ZNF385B: variants seen among roughly 807,000 people sequenced by gnomAD.
ZNF385B encodes zinc finger protein 533.
ZNF385B carries 23 observed loss-of-function variants against 39.2 expected under a neutral mutation model. The ratio of observed to expected loss-of-function variants is 0.59; its 90% CI spans 0.42 to 0.83. The LOEUF (loss-of-function observed/expected upper bound fraction) is 0.83. Ranked by LOEUF, ZNF385B falls within the 40% of genes least tolerant of loss-of-function variation. ZNF385B has a pLI of 0.00. For synonymous variants in ZNF385B, 205 were observed against 222.6 expected, an observed-to-expected ratio of 0.92 and a Z score of 0.70; for missense variants, 552 against 598.9, an observed-to-expected ratio of 0.92 and a Z score of 0.82.
intron 1 of ZNF385B, 31 bp from the exon 2 acceptor site, chr2:179,770,703 A>C (rs572793848): frequency 6.6e-6 from 1 of 152,244 alleles, no homozygotes; most frequent in Admixed American, 6.5e-5. Flanking sequence ...AAATTTTAGT[A>C]AACTGGTAAT....
intron 3 of ZNF385B, among the ~76,000 whole-genome samples, chr2:179,655,693 T>C (rs1223283727): frequency 1.3e-5 from 2 of 152,184 alleles, no homozygotes; most frequent in African/African-American, 4.8e-5. Flanking sequence ...TTGGACTAAC[T>C]CCATGTGAAT....
chr2:179,456,345 C>A (rs1419625067), intron 6 of ZNF385B, among the ~76,000 whole-genome samples: 1 of 152,172 alleles, frequency 6.6e-6, no homozygotes, highest in Admixed American at 6.5e-5. Flanking sequence ...TTCCCTGTGC[C>A]TTTATCAGCC....
intron 3 of ZNF385B, among the ~76,000 whole-genome samples, chr2:179,637,834 T>C (rs1250746888): frequency 6.6e-6 from 1 of 152,208 alleles, no homozygotes; most frequent in Non-Finnish European, 1.5e-5. Flanking sequence ...AAACTCTTGA[T>C]TTTAAAGTTG....
At chr2:179,798,954 A>G (rs1435537943) in intron 1 of ZNF385B, among the ~76,000 whole-genome samples, 1 of 152,082 alleles carries the variant, frequency 6.6e-6, no homozygotes, top group Admixed American at 6.6e-5. Flanking sequence ...CTAAAAGAAT[A>G]ATATTTTATA....
At chr2:179,771,626 T>C (rs1222287625) in intron 1 of ZNF385B, among the ~76,000 whole-genome samples, 1 of 152,214 alleles carries the variant, frequency 6.6e-6, no homozygotes, top group South Asian at 2.1e-4. Flanking sequence ...GAACTGCACA[T>C]AAATATTTTT....
intron 1 of ZNF385B, among the ~76,000 whole-genome samples, chr2:179,788,454 T>C (rs774144945): frequency 3.9e-5 from 6 of 151,962 alleles, no homozygotes; most frequent in African/African-American, 1.2e-4. Context: ...GAGAAGAAAA[T>C]AGCAATTCCT....
intron 3 of ZNF385B, among the ~76,000 whole-genome samples, chr2:179,560,867 G>A (rs1209438093): frequency 1.3e-5 from 2 of 152,162 alleles, no homozygotes; most frequent in Admixed American, 6.5e-5. Context: ...TTGTCCCTGT[G>A]ACAAGATTTA....
intron 3 of ZNF385B, among the ~76,000 whole-genome samples, chr2:179,703,490 C>T (rs757006180): frequency 1.8e-4 from 27 of 152,092 alleles, no homozygotes; most frequent in Non-Finnish European, 3.2e-4. Flanking sequence ...TGTCTGTCTC[C>T]CCATTAAAAT....
chr2:179,657,925 C>A (rs1693983620), intron 3 of ZNF385B, among the ~76,000 whole-genome samples: 2 of 152,308 alleles, frequency 1.3e-5, no homozygotes, highest in South Asian at 4.1e-4. Context: ...GAACTCCCAT[C>A]ATCTCAAGCT....
At chr2:179,494,100 G>T (rs1346371597) in intron 5 of ZNF385B, among the ~76,000 whole-genome samples, 2 of 151,998 alleles carry the variant, frequency 1.3e-5, no homozygotes, top group Non-Finnish European at 2.9e-5. Context: ...AGACTATGGT[G>T]TAACGTGCCA....
At chr2:179,569,701 A>C (rs895383410) in intron 3 of ZNF385B, among the ~76,000 whole-genome samples, 3 of 152,254 alleles carry the variant, frequency 2.0e-5, no homozygotes, top group Non-Finnish European at 4.4e-5. Context: ...TGCAAAGCAC[A>C]GTGCTTTCTG....
chr2:179,620,136 TTGAG>T (rs1690088030), intron 3 of ZNF385B, among the ~76,000 whole-genome samples: 1 of 152,204 alleles, frequency 6.6e-6, no homozygotes. Flanking sequence ...TCTTTGTCTC[TTGAG>T]TGATTAGCTA....
At chr2:179,833,802 A>T (rs1708105457) in intron 1 of ZNF385B, among the ~76,000 whole-genome samples, 1 of 152,178 alleles carries the variant, frequency 6.6e-6, no homozygotes, top group Non-Finnish European at 1.5e-5. Flanking sequence ...TCCAATAAAT[A>T]ACATAACTGT....
At chr2:179,651,586 C>G (rs1693197958) in intron 3 of ZNF385B, among the ~76,000 whole-genome samples, 1 of 152,074 alleles carries the variant, frequency 6.6e-6, no homozygotes. Context: ...ACTGTACATT[C>G]TACAGTATAT....
At chr2:179,797,751 CA>C (rs1705762178) in intron 1 of ZNF385B, among the ~76,000 whole-genome samples, 1 of 152,082 alleles carries the variant, frequency 6.6e-6, no homozygotes, top group African/African-American at 2.4e-5. Flanking sequence ...GAGGCTTGAT[CA>C]AATTGAGATC....
rs146736039 is a variant in ZNF385B, at chr2:179,720,050, T to C, written c.298+49453A>G. ...GGAGTTGTTTTCACAGTAAACAGTA[T>C]TGAACAGAGCTAATGTTCCAAACTT... On this transcript the variant is annotated intron_variant, in intron 3 of 9. Coordinates refer to ENST00000410066, the MANE Select transcript of ZNF385B (RefSeq NM_152520.6). Among the ~76,000 whole-genome samples, 5 of 152,300 alleles carry C rather than the reference T, an allele frequency of 3.3e-5. No homozygotes were observed. The East Asian group carries it at 7.7e-4, about 24-fold the overall frequency.
chr2:179,751,556 A>C (rs567869034), intron 3 of ZNF385B, among the ~76,000 whole-genome samples: 1 of 152,186 alleles, frequency 6.6e-6, no homozygotes, highest in Non-Finnish European at 1.5e-5. Context: ...TTTAAGAGTT[A>C]TAATACCTAT....
intron 3 of ZNF385B, among the ~76,000 whole-genome samples, chr2:179,620,550 C>T (rs1190434100): frequency 6.6e-6 from 1 of 151,932 alleles, no homozygotes; most frequent in Non-Finnish European, 1.5e-5. Flanking sequence ...TTGGCATCTT[C>T]TGAATCTAGT....
chr2:179,452,110 A>G (rs1205795077), intron 6 of ZNF385B, among the ~76,000 whole-genome samples: 1 of 152,162 alleles, frequency 6.6e-6, no homozygotes, highest in East Asian at 1.9e-4. Context: ...TAGCTACATC[A>G]GAATTGTTCG....
Sources: gnomAD v4.1 joint callset for allele counts (sites outside exome capture counted in the v4.1 genomes callset) on GRCh38, gnomAD v4.1.1 for gene constraint, MANE v1.5 for transcripts, NCBI Gene and HGNC (gene_info 2026-07-23, HGNC 2026-07-21) for gene names.